LDB2: variants seen among roughly 807,000 people sequenced by gnomAD.
LDB2 encodes the protein LIM domain binding 2, also known as LIM domain-binding protein 2.
A neutral mutation model predicts 44.3 loss-of-function variants in LDB2; 12 were observed. The ratio of observed to expected loss-of-function variants is 0.27; its 90% CI spans 0.17 to 0.44. LDB2 has a LOEUF of 0.44. LDB2 is among the 20% of genes least tolerant of loss of function. The probability of loss-of-function intolerance (pLI) is 1.00; values close to 1 mark genes in which losing one functional copy is unlikely to be tolerated. For synonymous variants in LDB2, 164 were observed against 174.8 expected, an observed-to-expected ratio of 0.94 and a Z score of 0.49; for missense variants, 344 against 473.5, an observed-to-expected ratio of 0.73 and a Z score of 2.54.
intron 2 of LDB2, among the ~76,000 whole-genome samples, chr4:16,621,860 A>G (rs1409907724): frequency 6.6e-6 from 1 of 152,216 alleles, no homozygotes; most frequent in Non-Finnish European, 1.5e-5. Context: ...TGCCCTGACC[A>G]ATTATGTAAA....
At chr4:16,697,230 C>G (rs1262320081) in intron 2 of LDB2, among the ~76,000 whole-genome samples, 1 of 151,122 alleles carries the variant, frequency 6.6e-6, no homozygotes, top group Non-Finnish European at 1.5e-5. Flanking sequence ...CGAGACCATC[C>G]TGGCTAACAC....
intron 5 of LDB2, among the ~76,000 whole-genome samples, chr4:16,563,176 C>A (rs1456423893): frequency 6.6e-6 from 1 of 151,534 alleles, no homozygotes; most frequent in African/African-American, 2.4e-5. Context: ...TGTAACTAAC[C>A]TGCACATTGT....
chr4:16,774,180 G>A (rs1418635425), intron 1 of LDB2, among the ~76,000 whole-genome samples: 2 of 144,496 alleles, frequency 1.4e-5, no homozygotes, highest in African/African-American at 2.6e-5. Flanking sequence ...AAAAAAAAGG[G>A]TAACTAGTCC....
chr4:16,728,914 C>T (rs1760122322), intron 2 of LDB2, among the ~76,000 whole-genome samples: 1 of 152,202 alleles, frequency 6.6e-6, no homozygotes, highest in Non-Finnish European at 1.5e-5. Context: ...TTTGCCCAGG[C>T]AGCTTGCATG....
At chr4:16,821,746 C>CAAAAAACAAAAA (rs1782082576) in intron 1 of LDB2, among the ~76,000 whole-genome samples, 1 of 61,752 alleles carries the variant, frequency 1.6e-5, no homozygotes, top group Non-Finnish European at 2.9e-5. Context: ...AACATTAAAG[C>CAAAAAACAAAAA]AAAAAAAAAA....
chr4:16,716,613 A>T (rs552642489), intron 2 of LDB2, among the ~76,000 whole-genome samples: 1 of 152,174 alleles, frequency 6.6e-6, no homozygotes, highest in Non-Finnish European at 1.5e-5. Flanking sequence ...CTTTTCCTCA[A>T]ATGAAATTTT....
intron 2 of LDB2, among the ~76,000 whole-genome samples, chr4:16,610,660 C>T (rs1046723589): frequency 3.5e-5 from 5 of 142,992 alleles, no homozygotes; most frequent in East Asian, 2.0e-4. Flanking sequence ...ACAAGAATAG[C>T]GAAAAAAAAA....
chr4:16,524,324 A>G (rs1455320441), intron 5 of LDB2, among the ~76,000 whole-genome samples: 1 of 152,238 alleles, frequency 6.6e-6, no homozygotes, highest in African/African-American at 2.4e-5. Context: ...AACTGGATGC[A>G]CATAATAAAG....
intron 1 of LDB2, among the ~76,000 whole-genome samples, chr4:16,880,775 G>A (rs899402500): frequency 1.1e-4 from 17 of 152,036 alleles, no homozygotes; most frequent in Non-Finnish European, 1.8e-4. Context: ...GTGGTGGCGG[G>A]TGCCTGTAGT....
intron 1 of LDB2, among the ~76,000 whole-genome samples, chr4:16,892,166 A>T (rs1723602617): frequency 6.6e-6 from 1 of 152,196 alleles, no homozygotes; most frequent in African/African-American, 2.4e-5. Flanking sequence ...CTACAGGAAT[A>T]TGCCCACGAT....
At chr4:16,842,275 G>T (rs1257918104) in intron 1 of LDB2, among the ~76,000 whole-genome samples, 1 of 152,146 alleles carries the variant, frequency 6.6e-6, no homozygotes, top group African/African-American at 2.4e-5. Flanking sequence ...CCTTGAAGAG[G>T]CTTGTTCAAT....
chr4:16,841,485 T>C (rs1443998508), intron 1 of LDB2, among the ~76,000 whole-genome samples: 2 of 152,224 alleles, frequency 1.3e-5, no homozygotes, highest in Non-Finnish European at 2.9e-5. Flanking sequence ...TGTTTGATAA[T>C]CCTTTAGAAG....
At chr4:16,591,507 G>A (rs938771504) in intron 3 of LDB2, among the ~76,000 whole-genome samples, 60 of 152,130 alleles carry the variant, frequency 3.9e-4, no homozygotes, top group African/African-American at 1.3e-3. Context: ...AGTTGACTAC[G>A]CTGGATGTTT....
At chr4:16,767,784 T>A (rs1017290472) in intron 1 of LDB2, among the ~76,000 whole-genome samples, 10 of 152,216 alleles carry the variant, frequency 6.6e-5, no homozygotes, top group Admixed American at 2.0e-4. Context: ...CAATCCCCTA[T>A]ATGCATTTGT....
chr4:16,656,743 T>C (rs1369349677), intron 2 of LDB2, among the ~76,000 whole-genome samples: 1 of 152,240 alleles, frequency 6.6e-6, no homozygotes, highest in Non-Finnish European at 1.5e-5. Flanking sequence ...CGTAAACAGA[T>C]TGATTCAGCG....
intron 5 of LDB2, among the ~76,000 whole-genome samples, chr4:16,534,967 A>G (rs1227480739): frequency 6.6e-6 from 1 of 152,218 alleles, no homozygotes; most frequent in Non-Finnish European, 1.5e-5. Context: ...AAATGTAATT[A>G]TGACACATCA....
chr4:16,782,840 G>C (rs1222261403), intron 1 of LDB2, among the ~76,000 whole-genome samples: 1 of 152,106 alleles, frequency 6.6e-6, no homozygotes, highest in African/African-American at 2.4e-5. Flanking sequence ...TATCTAGAGG[G>C]GGAGTAGAGG....
intron 1 of LDB2, among the ~76,000 whole-genome samples, chr4:16,764,525 C>CA (rs112962985): frequency 0.069 from 7,582 of 109,744 alleles, 205 homozygotes; most frequent in Non-Finnish European, 0.09. Context: ...ACAATCACTA[C>CA]AAAAAAAAAA....
At chr4:16,865,412 C>T (rs1477718630) in intron 1 of LDB2, among the ~76,000 whole-genome samples, 1 of 152,148 alleles carries the variant, frequency 6.6e-6, no homozygotes, top group Non-Finnish European at 1.5e-5. Flanking sequence ...TGGGAACGTT[C>T]CCTGCGACCA....
Sources: gnomAD v4.1 joint callset for allele counts (sites outside exome capture counted in the v4.1 genomes callset) on GRCh38, gnomAD v4.1.1 for gene constraint, MANE v1.5 for transcripts, NCBI Gene and HGNC (gene_info 2026-07-23, HGNC 2026-07-21) for gene names.